Variants in GNRH2 observed in about 807,000 individuals in gnomAD.
GNRH2 encodes gonadotropin releasing hormone 2, also known as progonadoliberin-2.
Under a neutral mutation model 12.1 loss-of-function variants are expected in GNRH2, and 15 were observed. That is an observed-to-expected ratio of 1.24 (90% CI 0.83 to 1.90). The LOEUF is 1.90. Among genes scored for constraint, GNRH2 ranks in the 40% most tolerant of loss-of-function variants. The pLI is 0.00. For missense variants in GNRH2, 143 were observed against 141.4 expected (o/e 1.01, Z -0.06); for synonymous variants, 60 against 62.0 (o/e 0.97, Z 0.15).
intron 3 of GNRH2, 31 bp downstream of exon 3, chr20:3,044,867 G>C (rs772479658): frequency 6.4e-7 from 1 of 1,571,094 alleles, no homozygotes; most frequent in Non-Finnish European, 8.7e-7. Context: ...CCAGCATCAA[G>C]ACCAGCCACT....
In GNRH2 at chr20:3,044,707, C is replaced by G; in HGVS notation, c.162C>G (p.Ser54Arg). Reference sequence around the variant, plus strand: ...GGGCCCTGGACACTGCAGCAGGCAGCCCAGTCCAGACTGCCCATGGCCTCC... The same window carrying G: ...GGGCCCTGGACACTGCAGCAGGCAGGCCAGTCCAGACTGCCCATGGCCTCC... The part of the protein sequence containing the change: ...PQNALRPPAG[S>R]PVQTAHGLPS... The change falls in exon 3 of 4, where the codon AGC (serine) becomes AGG (arginine). Residue 54 changes from serine to arginine, a missense_variant. Transcript: ENST00000359100. The G allele has an allele frequency of 6.2e-7, 1 of 1,610,022 alleles. No homozygotes were observed. Among genetic ancestry groups the G allele is most frequent in the South Asian group, 1.1e-5 (1 of 90,678 alleles).
intron 1 of GNRH2, 73 bp from the exon 2 acceptor site, chr20:3,044,335 A>G (rs2065962784): frequency 3.1e-6 from 4 of 1,286,440 alleles, no homozygotes; most frequent in Admixed American, 1.8e-5. Flanking sequence ...CAGTTTTCCA[A>G]AGTGGCCCTG....
chr20:3,044,853 G>A lies in GNRH2; in HGVS notation c.291+17G>A. Reference sequence around the variant, plus strand: ...ACACTGCTGGTGAGTAGGGTGAGAGGTCCCCAGCATCAAGACCAGCCACTG... The same window carrying A: ...ACACTGCTGGTGAGTAGGGTGAGAGATCCCCAGCATCAAGACCAGCCACTG... On this transcript the variant is annotated intron_variant, in intron 3 of 3. Coordinates refer to ENST00000359100, the MANE Select transcript of GNRH2 (RefSeq NM_178331.2). 4.4e-6 allele frequency: 7 copies of A among 1,588,544 alleles called. No homozygotes were observed. The highest frequency in any genetic ancestry group is 1.7e-4 in the Middle Eastern group (1 of 5,940).
chr20:3,044,340 G>T (rs2065962812), intron 1 of GNRH2, 68 bp from the exon 2 acceptor site: 7 of 1,323,812 alleles, frequency 5.3e-6, no homozygotes, highest in Non-Finnish European at 2.2e-6. Flanking sequence ...TTCCAAAGTG[G>T]CCCTGGAGGA....
At chr20:3,044,322 T>A in intron 1 of GNRH2, 86 bp from the exon 2 acceptor site, 1 of 1,069,456 alleles carries the variant, frequency 9.4e-7, no homozygotes, top group South Asian at 1.3e-5. Context: ...GCCCCTGAGA[T>A]GCCAGTTTTC....
At chr20:3,044,022 G>A (rs937017422) in intron 1 of GNRH2, 2 of 216,802 alleles carry the variant, frequency 9.2e-6, no homozygotes, top group African/African-American at 4.4e-5. Flanking sequence ...GAACTCCCCT[G>A]ACCATCCATC....
At chr20:3,044,589 TGGGG>T (rs747586764) in intron 2 of GNRH2, 21 bp downstream of exon 2, 5 of 1,612,152 alleles carry the variant, frequency 3.1e-6, no homozygotes, top group Non-Finnish European at 4.2e-6. Context: ...CCCAGCCTCA[TGGGG>T]AGGAAGAAAG....
In GNRH2 at chr20:3,044,726, G is replaced by A. The variant is rs919974138; in HGVS notation, c.181G>A (p.Gly61Ser). ...AGGCAGCCCAGTCCAGACTGCCCAT[G>A]GCCTCCCAAGTGATGCCCTGGCTCC... is the stretch of plus-strand genomic sequence containing the variant. ...PAGSPVQTAH[G>S]LPSDALAPLD... Residue 61 changes from glycine to serine, a missense_variant, in exon 3 of 4, where the codon GGC (glycine) becomes AGC (serine). Coordinates refer to ENST00000359100, the MANE Select transcript of GNRH2 (RefSeq NM_178331.2). 1.9e-6 allele frequency: 3 copies of A among 1,611,628 alleles called. No homozygotes were observed. Among genetic ancestry groups the A allele is most frequent in the African/African-American group, 2.7e-5 (2 of 74,898 alleles).
rs1468232022 is a variant in GNRH2, at chr20:3,045,709, C to T, written c.315C>T (p.Pro105=). ...TLLTAAREPR[P]APPSSNKV Reference sequence around the variant, plus strand: ...AGACCGCAGCCCGAGAGCCCCGCCCCGCCCCGCCATCCTCCAATAAAGTGT... The same window carrying T: ...AGACCGCAGCCCGAGAGCCCCGCCCTGCCCCGCCATCCTCCAATAAAGTGT... The change falls in exon 4 of 4, where the codon CCC becomes CCT. Residue 105 remains proline, a synonymous_variant. Transcript: ENST00000359100. 1.6e-5 allele frequency: 25 copies of T among 1,610,838 alleles called. No individual in the cohort carries two copies. Among genetic ancestry groups the T allele is most frequent in the Non-Finnish European group, 2.0e-5 (24 of 1,177,408 alleles).
chr20:3,045,584 TG>T, intron 3 of GNRH2, 101 bp from the exon 4 acceptor site: 1 of 951,694 alleles, frequency 1.1e-6, no homozygotes. Context: ...GGAGGCCACA[TG>T]GGGACTGGGG....
chr20:3,044,869 C>T (rs1399294695), intron 3 of GNRH2, 33 bp downstream of exon 3: 1 of 1,567,964 alleles, frequency 6.4e-7, no homozygotes, highest in Admixed American at 1.7e-5. Flanking sequence ...AGCATCAAGA[C>T]CAGCCACTGG....
In GNRH2 at chr20:3,044,899, C is replaced by T. The variant is rs940750345; in HGVS notation, c.291+63C>T. ...CACTGGTCATCAGAGGCCATTGTGG[C>T]TTAGGGTTGGGTGCTGGGAGGGTGG... On this transcript the variant is annotated intron_variant, in intron 3 of 3. Transcript: ENST00000359100. 2.1e-5 allele frequency: 29 copies of T among 1,412,618 alleles called. No individual in the cohort carries two copies. In the East Asian group the frequency reaches 6.2e-4, roughly 30 times the overall value. 87.5% of individuals were successfully genotyped at this position (1,412,618 alleles called of 1,614,324 possible).
At chr20:3,045,147 C>T (rs1393793446) in intron 3 of GNRH2, among the ~76,000 whole-genome samples, 4 of 152,164 alleles carry the variant, frequency 2.6e-5, no homozygotes, top group African/African-American at 9.7e-5. Context: ...CACAGGCATC[C>T]TGACAAGCCA....
intron 1 of GNRH2, chr20:3,044,019 C>T (rs1333005105): frequency 4.6e-6 from 1 of 215,486 alleles, no homozygotes; most frequent in Non-Finnish European, 9.5e-6. Flanking sequence ...TGAGAACTCC[C>T]CTGACCATCC....
At chr20:3,044,278 C>T in intron 1 of GNRH2, 130 bp from the exon 2 acceptor site, 1 of 688,438 alleles carries the variant, frequency 1.5e-6, no homozygotes, top group Non-Finnish European at 2.6e-6. Flanking sequence ...GGAGCGGTGG[C>T]AGAGAGGGAA....
chr20:3,044,698 A>G lies in GNRH2; in HGVS notation c.155-2A>G. ...TCTAAGGAAGGGCCCTGGACACTGC[A>G]GCAGGCAGCCCAGTCCAGACTGCCC... On this transcript the variant is annotated splice_acceptor_variant, in intron 2 of 3. Coordinates refer to ENST00000359100, the MANE Select transcript of GNRH2 (RefSeq NM_178331.2). LOFTEE classifies it high-confidence loss of function. The G allele has an allele frequency of 6.2e-7, 1 of 1,609,748 alleles. No homozygotes were observed. The highest frequency in any genetic ancestry group is 8.5e-7 in the Non-Finnish European group (1 of 1,177,450).
chr20:3,044,284 G>C, intron 1 of GNRH2, 124 bp from the exon 2 acceptor site: 1 of 716,112 alleles, frequency 1.4e-6, no homozygotes, highest in East Asian at 2.5e-5. Flanking sequence ...GTGGCAGAGA[G>C]GGAAGGGCAT....
rs2065970355 is a variant in GNRH2, at chr20:3,044,727, G to T, written c.182G>T (p.Gly61Val). Residue 61 changes from glycine to valine, a missense_variant, in exon 3 of 4, where the codon GGC becomes GTC. Transcript: ENST00000359100. ...GGCAGCCCAGTCCAGACTGCCCATG[G>T]CCTCCCAAGTGATGCCCTGGCTCCC... ...PAGSPVQTAH[G>V]LPSDALAPLD... The T allele has an allele frequency of 6.2e-7, 1 of 1,611,684 alleles. No individual in the cohort carries two copies. The highest frequency in any genetic ancestry group is 8.5e-7 in the Non-Finnish European group (1 of 1,179,066).
chr20:3,044,840 AG>A lies in GNRH2; in HGVS notation c.291+5del. The stretch of plus-strand genomic sequence containing the variant: ...ACACCTGGCACGGACACTGCTGGTG[AG>A]TAGGGTGAGAGGTCCCCAGCATCAA... On this transcript the variant is annotated splice_donor_5th_base_variant and intron_variant, in intron 3 of 3. Transcript: ENST00000359100. The A allele has an allele frequency of 6.3e-7, 1 of 1,598,404 alleles. No individual in the cohort carries two copies. The highest frequency in any genetic ancestry group is 1.1e-5 in the South Asian group (1 of 90,428).
Sources: gnomAD v4.1 joint callset for allele counts (sites outside exome capture counted in the v4.1 genomes callset) on GRCh38, gnomAD v4.1.1 for gene constraint, MANE v1.5 for transcripts, NCBI Gene and HGNC (gene_info 2026-07-23, HGNC 2026-07-21) for gene names.